TG: variants seen among roughly 807,000 people sequenced by gnomAD.
TG encodes the protein thyroglobulin.
TG carries 270 observed loss-of-function variants against 324.7 expected under a neutral mutation model. The ratio of observed to expected loss-of-function variants is 0.83; its 90% CI spans 0.75 to 0.92. The LOEUF (loss-of-function observed/expected upper bound fraction) is 0.92. Among genes scored for constraint, TG ranks in the 40% least tolerant of loss-of-function variants. The pLI is 0.00. For synonymous variants in TG, 1,401 were observed against 1,327.0 expected, an observed-to-expected ratio of 1.06 and a Z score of -1.21; for missense variants, 3,591 against 3,456.4, an observed-to-expected ratio of 1.04 and a Z score of -0.98.
Position 132,966,628 on chromosome 8 carries a change from T to C in TG, c.5617T>C (p.Ser1873Pro), listed in dbSNP as rs1310039086. ...CATTGTCAATGGAAATCAATCACTA[T>C]CCAGCCAGAAGCACTGGCTTTTCAA... ...QVIVNGNQSLSSQKHWLFKHL... is the reference protein window; with the variant it reads ...QVIVNGNQSLPSQKHWLFKHL... The change falls in exon 30 of 48, where the codon TCC becomes CCC. Residue 1873 changes from serine to proline, a missense_variant. Ser to Pro is a moderately conservative substitution (Grantham distance 74). Transcript: ENST00000220616. The C allele has an allele frequency of 3.1e-6, 5 of 1,614,138 alleles. No individual in the cohort carries two copies. In the South Asian group the frequency reaches 5.5e-5, roughly 18 times the overall value.
At chr8:133,010,361 C>T (rs73359340) in intron 35 of TG, among the ~76,000 whole-genome samples, 2,523 of 152,216 alleles carry the variant, frequency 0.017, 77 homozygotes, top group African/African-American at 0.056. Context: ...TGCTTGTGAT[C>T]GCCATAGTGT....
At position 132,897,746 on chromosome 8, in the gene TG, G is replaced by A. The variant is rs115551154; in HGVS notation, c.3099G>A (p.Ala1033=). ...RSGPYMPQCD[A]FGSWEPVQCH... is the part of the protein sequence containing the mutation. ...GCCCCTACATGCCACAGTGTGATGC[G>A]TTTGGAAGTTGGGAGCCTGTGCAGT... Residue 1033 remains alanine, a synonymous_variant, in exon 12 of 48, where the codon GCG becomes GCA. Transcript: ENST00000220616. 6.8e-6 allele frequency: 11 copies of A among 1,614,210 alleles called. No homozygotes were observed. The highest frequency in any genetic ancestry group is 1.6e-4 in the Middle Eastern group (1 of 6,062).
chr8:132,983,673 C>T (rs138818936), intron 35 of TG: 16 of 560,082 alleles, frequency 2.9e-5, no homozygotes, highest in African/African-American at 1.7e-4. Context: ...ACCTAAGTCG[C>T]GTTCTCCCAG....
intron 39 of TG, among the ~76,000 whole-genome samples, chr8:133,020,235 A>G (rs762896651): frequency 1.6e-4 from 25 of 152,128 alleles, no homozygotes; most frequent in Non-Finnish European, 3.2e-4. Flanking sequence ...AGTAACAGAG[A>G]GTTTGGCTTT....
chr8:133,093,674 A>C (rs769571066), intron 41 of TG, among the ~76,000 whole-genome samples: 11 of 151,996 alleles, frequency 7.2e-5, no homozygotes, highest in Non-Finnish European at 1.3e-4. Context: ...CTTGCCTCTG[A>C]CCCTAGCCAC....
At chr8:133,105,725 T>C (rs532213693) in intron 43 of TG, among the ~76,000 whole-genome samples, 6 of 152,064 alleles carry the variant, frequency 3.9e-5, no homozygotes, top group Non-Finnish European at 7.4e-5. Flanking sequence ...CAAGCATTCG[T>C]GGACAGAATG....
chr8:133,076,319 C>G (rs1480577192), intron 41 of TG, among the ~76,000 whole-genome samples: 1 of 152,174 alleles, frequency 6.6e-6, no homozygotes, highest in Non-Finnish European at 1.5e-5. Flanking sequence ...ACACAGCCAC[C>G]CTGGGACAGT....
intron 43 of TG, among the ~76,000 whole-genome samples, chr8:133,110,514 A>G (rs1450791848): frequency 6.6e-6 from 1 of 152,236 alleles, no homozygotes; most frequent in Non-Finnish European, 1.5e-5. Context: ...ATAGATACAC[A>G]TAGCATTTTT....
chr8:133,021,950 C>G (rs1408232754), intron 39 of TG, 41 bp from the exon 40 acceptor site: 1 of 1,613,358 alleles, frequency 6.2e-7, no homozygotes, highest in Non-Finnish European at 8.5e-7. Context: ...GGAAAGGTGC[C>G]CTCCCCACAC....
intron 35 of TG, among the ~76,000 whole-genome samples, chr8:133,000,071 C>T (rs1441267675): frequency 6.6e-6 from 1 of 152,212 alleles, no homozygotes; most frequent in African/African-American, 2.4e-5. Context: ...AGCAAGGATG[C>T]CATCATGCAT....
intron 41 of TG, among the ~76,000 whole-genome samples, chr8:133,073,511 G>T (rs577053688): frequency 1.3e-5 from 2 of 151,966 alleles, no homozygotes; most frequent in Admixed American, 6.6e-5. Flanking sequence ...ACAGGCACCC[G>T]CCACCAAGCC....
intron 43 of TG, chr8:133,102,599 T>C: frequency 1.3e-6 from 2 of 1,549,506 alleles, no homozygotes; most frequent in Non-Finnish European, 1.7e-6. Context: ...TCGCAGCAAA[T>C]GATCTTATTT....
At chr8:133,105,723 C>T (rs776977330) in intron 43 of TG, among the ~76,000 whole-genome samples, 4 of 152,076 alleles carry the variant, frequency 2.6e-5, no homozygotes, top group Admixed American at 6.6e-5. Flanking sequence ...CACAAGCATT[C>T]GTGGACAGAA....
chr8:132,897,226 A>G (rs1398524372), intron 11 of TG, among the ~76,000 whole-genome samples: 1 of 152,214 alleles, frequency 6.6e-6, no homozygotes, highest in Non-Finnish European at 1.5e-5. Flanking sequence ...CAGTTTTCTC[A>G]TCCATTAAAT....
At chr8:132,982,859 G>C (rs549452744) in intron 34 of TG, among the ~76,000 whole-genome samples, 1 of 152,144 alleles carries the variant, frequency 6.6e-6, no homozygotes, top group African/African-American at 2.4e-5. Context: ...CACACGTTTC[G>C]ACTCTCTGCT....
At chr8:133,000,831 T>A (rs1434232627) in intron 35 of TG, among the ~76,000 whole-genome samples, 5 of 152,224 alleles carry the variant, frequency 3.3e-5, no homozygotes, top group Non-Finnish European at 5.9e-5. Flanking sequence ...TGCACACTTA[T>A]TTTGTTACTT....
chr8:132,966,338 G>A (rs979969665), intron 29 of TG, among the ~76,000 whole-genome samples: 11 of 152,218 alleles, frequency 7.2e-5, no homozygotes, highest in African/African-American at 2.4e-4. Context: ...AGGACTTCCT[G>A]GGGCCTTCTG....
At chr8:133,001,876 T>G in intron 35 of TG, 1 of 985,468 alleles carries the variant, frequency 1.0e-6, no homozygotes, top group East Asian at 1.1e-4. Context: ...GGAAACCGCC[T>G]CTTCTATTTC....
intron 27 of TG, among the ~76,000 whole-genome samples, chr8:132,959,673 A>G (rs1242638356): frequency 6.6e-6 from 1 of 152,196 alleles, no homozygotes; most frequent in Non-Finnish European, 1.5e-5. Context: ...AGGAAGGAGT[A>G]TGGGATTTGA....
Sources: allele counts gnomAD v4.1 joint callset (sites outside exome capture counted in the v4.1 genomes callset), GRCh38; gene constraint gnomAD v4.1.1; transcripts MANE v1.5; gene names NCBI Gene and HGNC (gene_info 2026-07-23, HGNC 2026-07-21).